KIAA1217: variants seen among roughly 807,000 people sequenced by gnomAD.
KIAA1217 encodes KIAA1217, also known as sickle tail protein homolog.
In KIAA1217, 88 loss-of-function variants were observed where a neutral mutation model predicts 163.9. The observed-to-expected ratio is 0.54, with a 90% CI of 0.45 to 0.64. The LOEUF is 0.64. Among genes scored for constraint, KIAA1217 ranks in the 30% least tolerant of loss-of-function variants. KIAA1217 has a pLI of 0.00. For synonymous variants in KIAA1217, 903 were observed against 923.1 expected (o/e 0.98, Z 0.39); for missense variants, 2,372 against 2,475.0 (o/e 0.96, Z 0.88).
chr10:23,857,003 G>A (rs969673874), intron 1 of KIAA1217, among the ~76,000 whole-genome samples: 2 of 152,228 alleles, frequency 1.3e-5, no homozygotes, highest in African/African-American at 2.4e-5. Context: ...CTCGCACATG[G>A]TGCGCTGCAC....
At chr10:24,203,630 G>A (rs761823324) in intron 2 of KIAA1217, among the ~76,000 whole-genome samples, 1 of 141,064 alleles carries the variant, frequency 7.1e-6, no homozygotes, top group Non-Finnish European at 1.5e-5. Flanking sequence ...CAGAAAATAA[G>A]CCAGGAGAGT....
At chr10:24,070,193 A>T (rs78524674) in intron 2 of KIAA1217, among the ~76,000 whole-genome samples, 2,589 of 152,274 alleles carry the variant, frequency 0.017, 68 homozygotes, top group African/African-American at 0.059. Context: ...GAGAGGTCCA[A>T]CAGAGGTCTA....
intron 3 of KIAA1217, among the ~76,000 whole-genome samples, chr10:24,427,427 T>C (rs1176820033): frequency 6.6e-6 from 1 of 152,168 alleles, no homozygotes; most frequent in Non-Finnish European, 1.5e-5. Context: ...AGGAGAAGTA[T>C]GCTTCAAGAA....
At chr10:24,520,819 C>T (rs1298300631) in intron 11 of KIAA1217, among the ~76,000 whole-genome samples, 1 of 148,220 alleles carries the variant, frequency 6.7e-6, no homozygotes, top group African/African-American at 2.5e-5. Flanking sequence ...GCACTCCAGC[C>T]TGGCAGCCTG....
At chr10:23,714,275 C>A (rs1352152017) in intron 1 of KIAA1217, among the ~76,000 whole-genome samples, 1 of 147,448 alleles carries the variant, frequency 6.8e-6, no homozygotes, top group African/African-American at 2.7e-5. Flanking sequence ...CTTAGGGCAG[C>A]TTCCACAGAA....
intron 1 of KIAA1217, among the ~76,000 whole-genome samples, chr10:23,705,632 G>A (rs1317211396): frequency 3.3e-5 from 5 of 152,062 alleles, no homozygotes; most frequent in Non-Finnish European, 7.4e-5. Flanking sequence ...CATTATCTTG[G>A]ATACTGTAGC....
chr10:23,856,012 G>A (rs535021811), intron 1 of KIAA1217, among the ~76,000 whole-genome samples: 1 of 152,168 alleles, frequency 6.6e-6, no homozygotes. Context: ...CTCTCAACTC[G>A]TGAAAGTCAT....
chr10:23,975,629 T>G (rs1003433586), intron 1 of KIAA1217, among the ~76,000 whole-genome samples: 3 of 152,162 alleles, frequency 2.0e-5, no homozygotes, highest in African/African-American at 7.2e-5. Context: ...CCATGTCACA[T>G]GCTGTTGGTG....
intron 3 of KIAA1217, among the ~76,000 whole-genome samples, chr10:24,414,651 G>A (rs1450193921): frequency 1.3e-5 from 2 of 152,196 alleles, no homozygotes; most frequent in African/African-American, 4.8e-5. Flanking sequence ...TTTTACAGGT[G>A]GTGATGGGAA....
At chr10:24,031,350 G>T (rs562973660) in intron 2 of KIAA1217, among the ~76,000 whole-genome samples, 1 of 152,228 alleles carries the variant, frequency 6.6e-6, no homozygotes, top group East Asian at 1.9e-4. Context: ...TCCCAGACTG[G>T]AGTGCAGTGG....
chr10:24,138,179 G>A (rs993154138), intron 2 of KIAA1217, among the ~76,000 whole-genome samples: 1 of 152,090 alleles, frequency 6.6e-6, no homozygotes, highest in Non-Finnish European at 1.5e-5. Context: ...TTAGAGGCAG[G>A]GTCTTTCTCT....
At chr10:23,848,307 T>TG (rs1174402173) in intron 1 of KIAA1217, among the ~76,000 whole-genome samples, 3 of 151,952 alleles carry the variant, frequency 2.0e-5, no homozygotes, top group Non-Finnish European at 4.4e-5. Flanking sequence ...ATATTGACAG[T>TG]GGGGGGTGTT....
intron 1 of KIAA1217, among the ~76,000 whole-genome samples, chr10:23,978,186 C>T (rs555704839): frequency 2.0e-5 from 3 of 152,154 alleles, no homozygotes; most frequent in African/African-American, 4.8e-5. Flanking sequence ...CTTCCTCAGT[C>T]GGAGACCCAA....
At chr10:24,346,732 C>T (rs1037199943) in intron 2 of KIAA1217, among the ~76,000 whole-genome samples, 5 of 151,622 alleles carry the variant, frequency 3.3e-5, no homozygotes, top group Admixed American at 6.6e-5. Context: ...CCACCACACC[C>T]GGCTAATTTT....
chr10:24,128,315 G>C (rs1422872206), intron 2 of KIAA1217, among the ~76,000 whole-genome samples: 2 of 151,960 alleles, frequency 1.3e-5, no homozygotes, highest in African/African-American at 4.8e-5. Flanking sequence ...AGGATGCAAG[G>C]GTCAATAATC....
intron 1 of KIAA1217, among the ~76,000 whole-genome samples, chr10:23,914,360 G>A (rs1339154165): frequency 1.3e-5 from 2 of 152,152 alleles, no homozygotes; most frequent in African/African-American, 4.8e-5. Context: ...TGTTTCCCAG[G>A]CTGGAGTGTA....
At position 24,438,438 on chromosome 10, in the gene KIAA1217, G is replaced by A. The variant is rs932984931; in HGVS notation, c.805G>A (p.Ala269Thr). ...AGTGTACAACAAGGATCCTGCACAT[G>A]CGTTTAATCACACACCAAAAACTAT... is the stretch of plus-strand genomic sequence containing the variant. ...LKVYNKDPAH[A>T]FNHTPKTMNG... Residue 269 changes from alanine to threonine, a missense_variant, in exon 5 of 21, where the codon GCG becomes ACG. Ala to Thr is a moderately conservative substitution (Grantham distance 58). Coordinates refer to ENST00000376454, the MANE Select transcript of KIAA1217 (RefSeq NM_019590.5). 6.2e-7 allele frequency: 1 copy of A among 1,613,520 alleles called. No individual in the cohort carries two copies. Among genetic ancestry groups the A allele is most frequent in the Non-Finnish European group, 8.5e-7 (1 of 1,179,472 alleles).
chr10:24,409,996 T>C (rs1437492393), intron 3 of KIAA1217, among the ~76,000 whole-genome samples: 9 of 137,870 alleles, frequency 6.5e-5, no homozygotes, highest in Non-Finnish European at 1.1e-4. Flanking sequence ...TTTTCTTTTT[T>C]CTTTTTTTTT....
chr10:24,501,718 T>G (rs1215348394), intron 9 of KIAA1217, among the ~76,000 whole-genome samples, 173 bp downstream of exon 9: 2 of 137,508 alleles, frequency 1.5e-5, no homozygotes, highest in African/African-American at 5.3e-5. Flanking sequence ...ATAGTCAATC[T>G]ATAACCACTT....
Sources: gnomAD v4.1 joint callset for allele counts (sites outside exome capture counted in the v4.1 genomes callset) on GRCh38, gnomAD v4.1.1 for gene constraint, MANE v1.5 for transcripts, NCBI Gene and HGNC (gene_info 2026-07-23, HGNC 2026-07-21) for gene names.